Variants in PTPRF observed in about 807,000 individuals in gnomAD.
PTPRF encodes protein tyrosine phosphatase receptor type F, also known as receptor-type tyrosine-protein phosphatase F.
In PTPRF, 59 loss-of-function variants were observed where a neutral mutation model predicts 201.8. That is an observed-to-expected ratio of 0.29 (90% CI 0.24 to 0.36). The LOEUF is 0.36. Ranked by LOEUF, PTPRF falls within the 10% of genes least tolerant of loss-of-function variation. The pLI is 1.00. For synonymous variants in PTPRF, 1,088 were observed against 1,089.7 expected, an observed-to-expected ratio of 1.00 and a Z score of 0.03; for missense variants, 2,132 against 2,690.5, an observed-to-expected ratio of 0.79 and a Z score of 4.59.
At chr1:43,621,282 G>C in intron 33 of PTPRF, 50 bp downstream of exon 33, 1 of 1,599,280 alleles carries the variant, frequency 6.3e-7, no homozygotes, top group Non-Finnish European at 8.5e-7. Context: ...AGCGCTGCTG[G>C]GAACCCTAGG....
At chr1:43,538,143 A>G (rs1644140893) in intron 1 of PTPRF, 55 bp from the exon 2 acceptor site, 2 of 398,382 alleles carry the variant, frequency 5.0e-6, no homozygotes, top group Non-Finnish European at 8.8e-6. Context: ...GTGTCAATAC[A>G]TATGCTGTTG....
chr1:43,577,558 T>C (rs1647010023), intron 6 of PTPRF, among the ~76,000 whole-genome samples: 1 of 152,206 alleles, frequency 6.6e-6, no homozygotes, highest in African/African-American at 2.4e-5. Flanking sequence ...GAGGTGGCTA[T>C]AGGTCAGACC....
chr1:43,541,208 A>G (rs1031010134), intron 2 of PTPRF, among the ~76,000 whole-genome samples: 1 of 152,216 alleles, frequency 6.6e-6, no homozygotes, highest in Non-Finnish European at 1.5e-5. Flanking sequence ...CTACAGAAAC[A>G]GGTGGTATTT....
chr1:43,526,213 C>T (rs993817060), upstream of PTPRF, among the ~76,000 whole-genome samples: 15 of 152,124 alleles, frequency 9.9e-5, no homozygotes, highest in East Asian at 1.9e-4. Flanking sequence ...CTGTTTTCTC[C>T]GGGAAACATA....
In PTPRF at chr1:43,588,973, G is replaced by A. The variant is rs751608837; in HGVS notation, c.922G>A (p.Glu308Lys). 2.5e-6 allele frequency: 4 copies of A among 1,569,742 alleles called. No individual in the cohort carries two copies. The highest frequency in any genetic ancestry group is 2.6e-6 in the Non-Finnish European group (3 of 1,152,830). The change falls in exon 8 of 34, where the codon GAG (glutamate) becomes AAG (lysine). Residue 308 changes from glutamate (E) to lysine (K), a missense_variant. By Grantham distance (56) the Glu-to-Lys change is moderately conservative (BLOSUM62 1). Coordinates refer to ENST00000359947, the MANE Select transcript of PTPRF (RefSeq NM_002840.5). This position sits in a 1 kb window ranked among gnomAD's most constrained non-coding sequence, Gnocchi z 5.3. ...CVAISSLGMI[E>K]ATAQVTVKAL... ...GGCCATCTCCTCGCTGGGCATGATC[G>A]AGGCCACAGCCCAGGTCACAGTGAA... is the stretch of plus-strand genomic sequence containing the variant.
In PTPRF at chr1:43,607,351, A is replaced by G. The variant is rs116633576; in HGVS notation, c.3857+383A>G. On this transcript the variant is annotated intron_variant, in intron 21 of 33. Transcript: ENST00000359947. The stretch of plus-strand genomic sequence containing the variant: ...CCTTTCCTTCTGCCACCATTCCTGG[A>G]TGATTCCCCAGCCCTACTCTCCTGC... Among the ~76,000 whole-genome samples the G allele has an allele frequency of 6.7e-3, 1,016 of 152,272 alleles. 6 individuals are homozygous for G. The highest frequency in any genetic ancestry group is 0.011 in the Non-Finnish European group (753 of 68,014).
chr1:43,573,155 G>A (rs527536127), intron 6 of PTPRF, among the ~76,000 whole-genome samples: 11 of 152,236 alleles, frequency 7.2e-5, no homozygotes, highest in Admixed American at 7.2e-4. Context: ...CCACCTCCTG[G>A]AGAATTGGAA....
Position 43,546,754 on chromosome 1 carries a change from C to T in PTPRF, c.91+1588C>T, listed in dbSNP as rs1644701331. On this transcript the variant is annotated intron_variant, in intron 3 of 33. Coordinates refer to ENST00000359947, the MANE Select transcript of PTPRF (RefSeq NM_002840.5). The surrounding 1 kb of genome is among the most constrained non-coding windows in gnomAD (Gnocchi z 4.2). ...TCTCATCCCCCAGCCTGCTGTCTTC[C>T]CGTGTTCTCTCCCGTGAAAGGCATT... Among the ~76,000 whole-genome samples, 1 of 152,132 alleles carries T rather than the reference C, an allele frequency of 6.6e-6. No homozygotes were observed. Among genetic ancestry groups the T allele is most frequent in the Admixed American group, 6.5e-5 (1 of 15,274 alleles).
chr1:43,613,178 C>T, intron 22 of PTPRF: 1 of 314,038 alleles, frequency 3.2e-6, no homozygotes, highest in East Asian at 8.2e-5. Context: ...CATCTACACA[C>T]TTGGTGCCCG....
chr1:43,582,545 A>T (rs1242111777), intron 7 of PTPRF: 2 of 148,540 alleles, frequency 1.3e-5, no homozygotes, highest in African/African-American at 5.1e-5. Context: ...CAGGACTACC[A>T]GCCTTCCCCC....
Position 43,604,943 on chromosome 1 carries a change from G to A in PTPRF, c.3078G>A (p.Thr1026=), listed in dbSNP as rs539121826. 11 of 1,614,154 alleles carry A rather than the reference G, an allele frequency of 6.8e-6. No individual in the cohort carries two copies. The African/African-American group carries it at 8.0e-5, about 12-fold the overall frequency. Residue 1026 remains threonine, a synonymous_variant, in exon 17 of 34, where the codon ACG becomes ACA. Transcript: ENST00000359947. ...KNFRVAAAMK[T]SVLLSWEVPD... ...TCCGGGTGGCGGCTGCAATGAAGAC[G>A]TCTGTGCTGCTCAGCTGGGAGGTTC...
chr1:43,589,783 G>A (rs1056452013), intron 8 of PTPRF, among the ~76,000 whole-genome samples: 1 of 150,760 alleles, frequency 6.6e-6, no homozygotes, highest in Non-Finnish European at 1.5e-5. Flanking sequence ...GATCACTTGA[G>A]CCCAGGAGGG....
intron 19 of PTPRF, among the ~76,000 whole-genome samples, chr1:43,605,917 G>A (rs1460167867): frequency 1.3e-5 from 2 of 152,224 alleles, no homozygotes; most frequent in South Asian, 4.1e-4. Flanking sequence ...CGCAGATCTA[G>A]AAGCTATGGA....
At chr1:43,580,148 A>G (rs529938769) in intron 7 of PTPRF, 1 of 151,654 alleles carries the variant, frequency 6.6e-6, no homozygotes, top group East Asian at 1.9e-4. Context: ...TGATTCCATC[A>G]CGCCAAGTGC....
chr1:43,608,062 C>T (rs751910909), intron 21 of PTPRF, among the ~76,000 whole-genome samples: 2 of 152,248 alleles, frequency 1.3e-5, no homozygotes, highest in South Asian at 4.1e-4. Context: ...ACCCACTGTT[C>T]CTTCCTAAAG....
chr1:43,604,271 G>C, intron 16 of PTPRF, 82 bp downstream of exon 16: 5 of 1,427,442 alleles, frequency 3.5e-6, no homozygotes, highest in Non-Finnish European at 4.7e-6. Flanking sequence ...CTGACCTCTG[G>C]CGACTGTGAT....
In PTPRF at chr1:43,598,068, C is replaced by T. The variant is rs150772362; in HGVS notation, c.2119+15C>T. On this transcript the variant is annotated intron_variant, in intron 12 of 33. Transcript: ENST00000359947. Reference sequence around the variant, plus strand: ...CGATGAGGACGGTAGGCAGTGCCACCGGGGCGGGAGGGGAGGCGTTCTGCC... The same window carrying T: ...CGATGAGGACGGTAGGCAGTGCCACTGGGGCGGGAGGGGAGGCGTTCTGCC... The T allele has an allele frequency of 1.9e-4, 279 of 1,458,422 alleles. No homozygotes were observed. In the African/African-American group the frequency reaches 2.9e-3, roughly 15 times the overall value. 90.3% of individuals were successfully genotyped at this position (1,458,422 alleles called of 1,614,324 possible). A position where few individuals can be genotyped will look rare whatever the true frequency, so the allele number is the denominator to read the frequency against.
upstream of PTPRF, among the ~76,000 whole-genome samples, chr1:43,522,746 AT>A (rs2153942193): frequency 6.6e-6 from 1 of 152,198 alleles, no homozygotes; most frequent in Non-Finnish European, 1.5e-5. Flanking sequence ...GAAATGCAGT[AT>A]GTTTGAGGAA....
chr1:43,561,057 C>T (rs1416568436), intron 5 of PTPRF, among the ~76,000 whole-genome samples: 1 of 152,162 alleles, frequency 6.6e-6, no homozygotes, highest in African/African-American at 2.4e-5. Flanking sequence ...GCTTGGACCT[C>T]TGGGTTCTGC....
Sources: gnomAD v4.1 joint callset for allele counts (sites outside exome capture counted in the v4.1 genomes callset) on GRCh38, gnomAD v4.1.1 for gene constraint, Gnocchi (gnomAD v3.1) non-coding constraint, MANE v1.5 for transcripts, NCBI Gene and HGNC (gene_info 2026-07-23, HGNC 2026-07-21) for gene names.